The following RELCH variants were observed in gnomAD, a reference collection of about 807,000 sequenced individuals.
RELCH encodes RAB11 binding and LisH domain, coiled-coil and HEAT repeat containing.
In RELCH, 41 loss-of-function variants were observed where a neutral mutation model predicts 150.3. The observed-to-expected ratio is 0.27, with a 90% confidence interval of 0.21 to 0.35. The LOEUF (loss-of-function observed/expected upper bound fraction) is 0.35, where lower values mean the gene tolerates loss of function less well. Ranked by LOEUF, RELCH falls within the 10% of genes least tolerant of loss-of-function variation. RELCH has a pLI of 1.00. For missense variants in RELCH, 1,092 were observed against 1,467.8 expected (o/e 0.74, Z 4.18); for synonymous variants, 478 against 531.8 (o/e 0.90, Z 1.39).
At chr18:62,236,311 A>G (rs1271134445) in intron 10 of RELCH, among the ~76,000 whole-genome samples, 1 of 151,728 alleles carries the variant, frequency 6.6e-6, no homozygotes, top group Non-Finnish European at 1.5e-5. Context: ...GATACATCCC[A>G]TTTGGCCTTG....
chr18:62,276,677 T>G (rs534391739), intron 22 of RELCH, among the ~76,000 whole-genome samples: 1 of 152,250 alleles, frequency 6.6e-6, no homozygotes, highest in East Asian at 1.9e-4. Flanking sequence ...TTAAAATATA[T>G]GCTTTCTAAA....
At chr18:62,219,867 C>T (rs901490619) in intron 2 of RELCH, among the ~76,000 whole-genome samples, 1 of 151,974 alleles carries the variant, frequency 6.6e-6, no homozygotes, top group African/African-American at 2.4e-5. Context: ...ATAGCTGTGG[C>T]TCTGATAACA....
chr18:62,230,384 A>C (rs957855325), intron 8 of RELCH, among the ~76,000 whole-genome samples: 1 of 152,118 alleles, frequency 6.6e-6, no homozygotes, highest in East Asian at 1.9e-4. Flanking sequence ...TGAGAGGAGC[A>C]TAAAACAGCA....
In RELCH at chr18:62,258,521, T is replaced by C. The variant is rs1355277942; in HGVS notation, c.2047T>C (p.Leu683=). Residue 683 remains leucine (L), a synonymous_variant, in exon 15 of 29, where the codon TTG becomes CTG. Coordinates refer to ENST00000644646, the MANE Select transcript of RELCH (RefSeq NM_001346231.2). ...DPDKYHQGFE[L]LLSALGDPSE... is the part of the protein sequence containing the mutation. ...TTTTTCTCATTGACAGGGTTTTGAATTGTTGCTGTCAGCCTTGGGTGATCC... is the reference window on the plus strand; with the variant it reads ...TTTTTCTCATTGACAGGGTTTTGAACTGTTGCTGTCAGCCTTGGGTGATCC... 1 of 1,605,364 alleles carries C rather than the reference T, an allele frequency of 6.2e-7. No homozygotes were observed. The highest frequency in any genetic ancestry group is 2.2e-5 in the East Asian group (1 of 44,552).
At chr18:62,208,613 A>G (rs2039965263) in intron 1 of RELCH, among the ~76,000 whole-genome samples, 2 of 152,128 alleles carry the variant, frequency 1.3e-5, no homozygotes, top group Admixed American at 6.5e-5. Flanking sequence ...CTCAGGTACT[A>G]AGCCTAGTAC....
intron 12 of RELCH, among the ~76,000 whole-genome samples, chr18:62,253,267 T>TG (rs2042820373): frequency 7.3e-6 from 1 of 136,454 alleles, no homozygotes; most frequent in Non-Finnish European, 1.6e-5. Context: ...AGCAAGAAGA[T>TG]TGTGTGTGTG....
intron 12 of RELCH, 143 bp from the exon 13 acceptor site, chr18:62,255,264 A>G (rs2042936465): frequency 1.2e-5 from 8 of 670,992 alleles, no homozygotes; most frequent in East Asian, 2.8e-5. Flanking sequence ...CGATCCAGGT[A>G]TAGTCAAACA....
chr18:62,242,980 T>G (rs1269617455), intron 10 of RELCH, among the ~76,000 whole-genome samples: 1 of 151,982 alleles, frequency 6.6e-6, no homozygotes, highest in Admixed American at 6.6e-5. Context: ...GAAGGGAGAT[T>G]AGGAGGAAAC....
chr18:62,219,332 T>TC (rs941344901), intron 2 of RELCH, among the ~76,000 whole-genome samples: 3 of 147,954 alleles, frequency 2.0e-5, no homozygotes, highest in Admixed American at 6.8e-5. Context: ...TTTCTTTTTT[T>TC]TTTTTTTTTC....
intron 16 of RELCH, among the ~76,000 whole-genome samples, chr18:62,262,905 C>T (rs371994041): frequency 6.6e-6 from 1 of 151,894 alleles, no homozygotes; most frequent in Non-Finnish European, 1.5e-5. Flanking sequence ...AGGGAAACTG[C>T]GAGGTAAAGG....
At chr18:62,280,462 A>G in intron 23 of RELCH, 184 bp from the exon 24 acceptor site, 1 of 1,600,628 alleles carries the variant, frequency 6.2e-7, no homozygotes, top group Non-Finnish European at 8.6e-7. Flanking sequence ...ACAGACTGCG[A>G]CCTTAAGTTA....
At chr18:62,289,873 T>A (rs533880838) in intron 26 of RELCH, among the ~76,000 whole-genome samples, 3 of 152,354 alleles carry the variant, frequency 2.0e-5, no homozygotes, top group African/African-American at 7.2e-5. Context: ...CTCTTCTAAG[T>A]AGGGCCATAT....
At position 62,274,155 on chromosome 18, in the gene RELCH, T is replaced by G. The variant is rs1405666906; in HGVS notation, c.2867+69T>G. 3.1e-6 allele frequency: 3 copies of G among 968,768 alleles called. No homozygotes were observed. In the East Asian group the frequency reaches 7.4e-5, roughly 24 times the overall value. The allele number at this position is 968,768 out of a possible 1,614,324, so 60.0% of individuals were successfully genotyped here. A position where few individuals can be genotyped will look rare whatever the true frequency, so the allele number is the denominator to read the frequency against. On this transcript the variant is annotated intron_variant, in intron 21 of 28. Transcript: ENST00000644646. The stretch of plus-strand genomic sequence containing the variant: ...TTTTAGATTGGATTTATAGAGTACA[T>G]ATTTTAAGTCTAAAAGAGTTGACAT...
chr18:62,220,365 AT>A (rs377746154), intron 2 of RELCH, among the ~76,000 whole-genome samples: 49,496 of 127,800 alleles, frequency 0.39, 8,730 homozygotes, highest in East Asian at 0.58. Context: ...GGGGTTTTGG[AT>A]TTTTTTTTTT....
intron 1 of RELCH, among the ~76,000 whole-genome samples, chr18:62,202,091 T>C (rs1403366985): frequency 1.3e-5 from 2 of 152,214 alleles, no homozygotes; most frequent in Non-Finnish European, 2.9e-5. Flanking sequence ...ATGATGAAAG[T>C]ACCTGATTAT....
Position 62,305,451 on chromosome 18 carries a change from A to C in RELCH, c.3568A>C (p.Thr1190Pro), listed in dbSNP as rs1186713406. The change falls in exon 29 of 29, where the codon ACA becomes CCA. Residue 1190 changes from threonine to proline, a missense_variant. Thr to Pro is a conservative substitution (Grantham distance 38). This residue lies in a region of RELCH where 707 missense variants were observed against 1,025.4 expected (regional missense o/e 0.69). Transcript: ENST00000644646. The surrounding 1 kb of genome is among the most constrained non-coding windows in gnomAD (Gnocchi z 4.0). ...SIAASLVSED[T>P]KTKFLNKMGQ... is the part of the protein sequence containing the mutation. ...TGCTGCAAGCTTAGTGAGTGAAGAT[A>C]CAAAGACCAAGTTTTTGAACAAAAT... The C allele has an allele frequency of 6.2e-7, 1 of 1,612,048 alleles. No individual in the cohort carries two copies. Among genetic ancestry groups the C allele is most frequent in the Non-Finnish European group, 8.5e-7 (1 of 1,178,834 alleles).
intron 11 of RELCH, among the ~76,000 whole-genome samples, 165 bp from the exon 12 acceptor site, chr18:62,252,499 A>G (rs1177108279): frequency 1.3e-5 from 2 of 151,648 alleles, no homozygotes; most frequent in African/African-American, 2.4e-5. Flanking sequence ...AGCCTGGGAG[A>G]CAGCCAGACT....
chr18:62,254,434 G>A lies in RELCH; in HGVS notation c.1825-973G>A, dbSNP rs151070694. 1.4e-3 allele frequency among the ~76,000 whole-genome samples: 207 copies of A among 151,782 alleles called. 3 individuals carry two copies. Among genetic ancestry groups the A allele is most frequent in the Non-Finnish European group, 8.8e-5 (6 of 67,902 alleles). On this transcript the variant is annotated intron_variant, in intron 12 of 28. Transcript: ENST00000644646. ...ATATATAGACATACAATTGATTTTT[G>A]CATTTCAATTTTGAGACTTACTGAG...
intron 1 of RELCH, among the ~76,000 whole-genome samples, chr18:62,207,276 T>G (rs1320644357): frequency 6.6e-6 from 1 of 152,242 alleles, no homozygotes. Context: ...ATAACTATCT[T>G]CTGTCAGCAT....
Sources: allele counts gnomAD v4.1 joint callset (sites outside exome capture counted in the v4.1 genomes callset), GRCh38; gene constraint gnomAD v4.1.1; regional missense constraint gnomAD v4.1.1; non-coding constraint Gnocchi (gnomAD v3.1); transcripts MANE v1.5; gene names NCBI Gene and HGNC (gene_info 2026-07-23, HGNC 2026-07-21).